Variants in TET3 observed in about 807,000 individuals in gnomAD.
TET3 encodes the protein methylcytosine dioxygenase TET3.
Under a neutral mutation model 141.4 loss-of-function variants are expected in TET3, and 19 were observed. The ratio of observed to expected loss-of-function variants is 0.13; its 90% CI spans 0.09 to 0.20. TET3 has a LOEUF of 0.20. Ranked by LOEUF, TET3 falls within the 10% of genes least tolerant of loss-of-function variation. The pLI is 1.00. For synonymous variants in TET3, 1,043 were observed against 980.9 expected (o/e 1.06, Z -1.18); for missense variants, 1,874 against 2,356.9 (o/e 0.80, Z 4.24).
At chr2:74,063,611 T>G (rs368056203) in intron 4 of TET3, among the ~76,000 whole-genome samples, 1 of 152,132 alleles carries the variant, frequency 6.6e-6, no homozygotes, top group East Asian at 1.9e-4. Context: ...AATAGACTTA[T>G]AGAAGTAGCA....
chr2:74,100,647 T>C lies in TET3; in HGVS notation c.3859T>C (p.Tyr1287His), dbSNP rs1691138979. Reference sequence around the variant, plus strand: ...GTACGCTCTCCCGTCTTTTAGCTACTATGGCTTTCCATCCAGCAACCCCGT... The same window carrying C: ...GTACGCTCTCCCGTCTTTTAGCTACCATGGCTTTCCATCCAGCAACCCCGT... Reference protein sequence around the residue: ...SKYALPSFSYYGFPSSNPVFP... With the variant: ...SKYALPSFSYHGFPSSNPVFP... Residue 1287 changes from tyrosine to histidine, a missense_variant, in exon 12 of 12, where the codon TAT becomes CAT. Tyr to His is a moderately conservative substitution (Grantham distance 83). Around this residue, in one of 10 missense-constraint regions of TET3, gnomAD observed 602 missense variants for 590.2 expected, o/e 1.02. Coordinates refer to ENST00000409262, the MANE Select transcript of TET3 (RefSeq NM_001287491.2). 4 of 1,614,030 alleles carry C rather than the reference T, an allele frequency of 2.5e-6. No homozygotes were observed. Among genetic ancestry groups the C allele is most frequent in the Non-Finnish European group, 3.4e-6 (4 of 1,179,902 alleles).
chr2:74,086,265 C>T (rs1690155235), intron 6 of TET3, among the ~76,000 whole-genome samples: 1 of 152,186 alleles, frequency 6.6e-6, no homozygotes, highest in Admixed American at 6.5e-5. Flanking sequence ...GCTCCCAGGC[C>T]TCTTGGCCCT....
At chr2:74,099,750 A>G in intron 11 of TET3, 138 bp downstream of exon 11, 3 of 884,286 alleles carry the variant, frequency 3.4e-6, no homozygotes, top group Non-Finnish European at 5.1e-6. Flanking sequence ...TATCTGCAGC[A>G]GCCACAGCCA....
At chr2:74,002,841 G>A in intron 2 of TET3, 1 of 571,702 alleles carries the variant, frequency 1.7e-6, no homozygotes, top group South Asian at 2.2e-5. Flanking sequence ...GCGGACGCGG[G>A]CCGGGGGTCG....
chr2:74,061,931 T>G (rs1688615201), intron 4 of TET3, among the ~76,000 whole-genome samples: 1 of 147,492 alleles, frequency 6.8e-6, no homozygotes, highest in African/African-American at 2.5e-5. Context: ...CTCCTCACTT[T>G]CCAGACTGGG....
In TET3 at chr2:74,105,225, C is replaced by T. The variant is rs1055838897; in HGVS notation, c.*3049C>T. ...AGTTCGAAGAGTCATATTATAGCAA[C>T]GGAAATCGATGGCGTCTTAGTCATC... is the stretch of plus-strand genomic sequence containing the variant. On this transcript the variant is annotated 3_prime_UTR_variant, in exon 12 of 12. Coordinates refer to ENST00000409262, the MANE Select transcript of TET3 (RefSeq NM_001287491.2). 1.8e-5 allele frequency: 7 copies of T among 398,414 alleles called. No individual in the cohort carries two copies. Among genetic ancestry groups the T allele is most frequent in the East Asian group, 3.6e-5 (1 of 28,086 alleles). The allele number at this position is 398,414 out of a possible 1,614,324, so 24.7% of individuals were successfully genotyped here.
the TET3 span, among the ~76,000 whole-genome samples, chr2:74,127,198 T>C: frequency 1.3e-5 from 2 of 152,338 alleles, no homozygotes; most frequent in African/African-American, 4.8e-5. Flanking sequence ...CTCATGCTTG[T>C]TGATCCGGAT....
chr2:74,129,462 G>T, the TET3 span, among the ~76,000 whole-genome samples: 5 of 145,568 alleles, frequency 3.4e-5, no homozygotes, highest in African/African-American at 1.3e-4. Flanking sequence ...GTGAAACCTC[G>T]TCTCTACAAA....
intron 6 of TET3, among the ~76,000 whole-genome samples, chr2:74,080,955 G>A (rs1235847614): frequency 6.6e-6 from 1 of 152,230 alleles, no homozygotes; most frequent in African/African-American, 2.4e-5. Context: ...ATGACCCGTT[G>A]ATGGGCTCCA....
intron 2 of TET3, among the ~76,000 whole-genome samples, chr2:73,996,848 G>A (rs115176215): frequency 2.6e-5 from 4 of 152,186 alleles, no homozygotes; most frequent in African/African-American, 9.7e-5. Context: ...GGGAGGGATC[G>A]AAAAGAAGGC....
chr2:73,984,937 T>TGCTGCTGCCGCC lies in TET3; in HGVS notation c.-642_-631dup, dbSNP rs1245014420. Among the ~76,000 whole-genome samples, 1 of 146,430 alleles carries TGCTGCTGCCGCC rather than the reference T, an allele frequency of 6.8e-6. No individual in the cohort carries two copies. The highest frequency in any genetic ancestry group is 1.5e-5 in the Non-Finnish European group (1 of 65,824). Reference sequence around the variant, plus strand: ...GTCCCGCGGACGCCTTCATTGCTGCTGCTGCTGCCGCCGCGGCCGCCGCTG... The same window carrying TGCTGCTGCCGCC: ...GTCCCGCGGACGCCTTCATTGCTGCTGCTGCTGCCGCCGCTGCTGCCGCCGCGGCCGCCGCTG... On this transcript the variant is annotated 5_prime_UTR_variant, in exon 1 of 12. Coordinates refer to ENST00000409262, the MANE Select transcript of TET3 (RefSeq NM_001287491.2). The surrounding 1 kb of genome is among the most constrained non-coding windows in gnomAD (Gnocchi z 5.6).
intron 2 of TET3, among the ~76,000 whole-genome samples, chr2:73,994,638 C>CTTTCTTTTTTTTTTTTTTTTT (rs1553412093): frequency 2.1e-5 from 2 of 96,752 alleles, no homozygotes; most frequent in Admixed American, 1.1e-4. Context: ...TTCTTTCTTT[C>CTTTCTTTTTTTTTTTTTTTTT]TTTTTTTTTT....
At chr2:74,132,991 A>G in the TET3 span, among the ~76,000 whole-genome samples, 2 of 151,132 alleles carry the variant, frequency 1.3e-5, no homozygotes, top group African/African-American at 4.9e-5. Context: ...TCTGCTTCCC[A>G]GGTTCGAGAG....
intron 3 of TET3, among the ~76,000 whole-genome samples, chr2:74,010,226 G>A (rs955608600): frequency 6.6e-6 from 1 of 152,212 alleles, no homozygotes; most frequent in South Asian, 2.1e-4. Flanking sequence ...GCCAGAAACC[G>A]GGGCTCCGTG....
intron 2 of TET3, among the ~76,000 whole-genome samples, chr2:73,994,634 C>CTTTTTTTTTTTTTTTTT (rs1433899024): frequency 9.4e-6 from 1 of 106,376 alleles, no homozygotes; most frequent in African/African-American, 5.4e-5. Flanking sequence ...TTCTTTCTTT[C>CTTTTTTTTTTTTTTTTT]TTTCTTTTTT....
At chr2:74,130,745 C>T in the TET3 span, 1 of 152,232 alleles carries the variant, frequency 6.6e-6, no homozygotes, top group Non-Finnish European at 1.5e-5. Context: ...ACCGCAGACT[C>T]GTCGGGCTGC....
At position 73,984,958 on chromosome 2, in the gene TET3, C is replaced by T. The variant is rs1056221514; in HGVS notation, c.-624C>T. ...CTGCTGCTGCTGCCGCCGCGGCCGC[C>T]GCTGCCTCTTCCTTCCTCCTGCGCC... On this transcript the variant is annotated 5_prime_UTR_variant, in exon 1 of 12. Coordinates refer to ENST00000409262, the MANE Select transcript of TET3 (RefSeq NM_001287491.2). The surrounding 1 kb of genome is among the most constrained non-coding windows in gnomAD (Gnocchi z 5.6). 4.1e-5 allele frequency among the ~76,000 whole-genome samples: 6 copies of T among 146,970 alleles called. No individual in the cohort carries two copies. The highest frequency in any genetic ancestry group is 7.4e-5 in the African/African-American group (3 of 40,814).
In TET3 at chr2:74,046,177, A is replaced by G. The variant is rs1243130465; in HGVS notation, c.361-101A>G. 3 of 1,073,090 alleles carry G rather than the reference A, an allele frequency of 2.8e-6. No homozygotes were observed. In the African/African-American group the frequency reaches 4.8e-5, roughly 17 times the overall value. 66.5% of individuals were successfully genotyped at this position (1,073,090 alleles called of 1,614,324 possible). A position where few individuals can be genotyped will look rare whatever the true frequency, so the allele number is the denominator to read the frequency against. ...TACCAGAGAGAGGATTTGCAAGAAAAGTTGGGGTCAGATGTGCACCTGAGT... is the reference window on the plus strand; with the variant it reads ...TACCAGAGAGAGGATTTGCAAGAAAGGTTGGGGTCAGATGTGCACCTGAGT... On this transcript the variant is annotated intron_variant, in intron 3 of 11. Coordinates refer to ENST00000409262, the MANE Select transcript of TET3 (RefSeq NM_001287491.2). The surrounding 1 kb of genome is among the most constrained non-coding windows in gnomAD (Gnocchi z 4.3).
At chr2:73,989,741 A>C (rs754852301) in intron 2 of TET3, among the ~76,000 whole-genome samples, 4 of 151,974 alleles carry the variant, frequency 2.6e-5, no homozygotes, top group Non-Finnish European at 4.4e-5. Flanking sequence ...AGGTTGTTTG[A>C]TTTCATATTC....
Sources: allele counts gnomAD v4.1 joint callset (sites outside exome capture counted in the v4.1 genomes callset), GRCh38; gene constraint gnomAD v4.1.1; regional missense constraint gnomAD v4.1.1; non-coding constraint Gnocchi (gnomAD v3.1); transcripts MANE v1.5; gene names NCBI Gene and HGNC (gene_info 2026-07-23, HGNC 2026-07-21).